DPP10: variants seen among roughly 807,000 people sequenced by gnomAD.
DPP10 encodes the protein inactive dipeptidyl peptidase 10.
In DPP10, 33 loss-of-function variants were observed where a neutral mutation model predicts 120.9. The ratio of observed to expected loss-of-function variants is 0.27; its 90% CI spans 0.21 to 0.37. The LOEUF is 0.37. DPP10 is among the 10% of genes least tolerant of loss of function. DPP10 has a pLI of 1.00. For synonymous variants in DPP10, 337 were observed against 326.1 expected (o/e 1.03, Z -0.36); for missense variants, 816 against 942.8 (o/e 0.87, Z 1.76).
intron 1 of DPP10, among the ~76,000 whole-genome samples, chr2:114,929,467 C>A (rs1695902300): frequency 1.3e-5 from 2 of 152,118 alleles, no homozygotes; most frequent in South Asian, 4.1e-4. Flanking sequence ...CATTTAGAGG[C>A]CTCCCCCTGG....
intron 3 of DPP10, among the ~76,000 whole-genome samples, chr2:115,419,440 G>A (rs2069734656): frequency 6.6e-6 from 1 of 152,048 alleles, no homozygotes. Context: ...AGAGGGGAGG[G>A]AGGTCCAAGA....
chr2:114,741,773 T>C (rs1286855605), intron 1 of DPP10, among the ~76,000 whole-genome samples: 1 of 152,132 alleles, frequency 6.6e-6, no homozygotes, highest in Non-Finnish European at 1.5e-5. Flanking sequence ...AGGCAGATGC[T>C]GGAGTTACGC....
rs1300299111 is a variant in DPP10, at chr2:115,423,903, A to G, written c.272-75607A>G. Among the ~76,000 whole-genome samples, 12 of 152,116 alleles carry G rather than the reference A, an allele frequency of 7.9e-5. 1 individual carries two copies. Among genetic ancestry groups the G allele is most frequent in the Admixed American group, 7.9e-4 (12 of 15,272 alleles). On this transcript the variant is annotated intron_variant, in intron 3 of 25. Transcript: ENST00000410059. The stretch of plus-strand genomic sequence containing the variant: ...TTTATCTTTGGCAAAAGCTGATTTT[A>G]TAAGGAGAAAATCTATAAATTGCAT...
chr2:115,529,278 T>C (rs1479822771), intron 5 of DPP10, among the ~76,000 whole-genome samples: 1 of 151,946 alleles, frequency 6.6e-6, no homozygotes, highest in Non-Finnish European at 1.5e-5. Flanking sequence ...CAAGTGATTC[T>C]CTTGCCTCAG....
intron 2 of DPP10, among the ~76,000 whole-genome samples, chr2:115,331,780 A>T (rs1450106107): frequency 2.0e-5 from 3 of 152,128 alleles, no homozygotes; most frequent in African/African-American, 7.2e-5. Context: ...AGCCCACTTG[A>T]TCATGGTGGA....
At chr2:115,440,828 C>T (rs1172830154) in intron 3 of DPP10, 2 of 142,604 alleles carry the variant, frequency 1.4e-5, no homozygotes, top group East Asian at 4.2e-4. Context: ...GAACTCAAGG[C>T]TTTATGTTTT....
chr2:115,216,314 A>C (rs2056816295), intron 1 of DPP10, among the ~76,000 whole-genome samples: 1 of 152,142 alleles, frequency 6.6e-6, no homozygotes, highest in Non-Finnish European at 1.5e-5. Flanking sequence ...AGTGAAAAAA[A>C]ATTTAATTAA....
intron 1 of DPP10, among the ~76,000 whole-genome samples, chr2:114,580,479 G>A (rs1328948123): frequency 6.6e-6 from 1 of 152,236 alleles, no homozygotes; most frequent in African/African-American, 2.4e-5. Context: ...AAGAGAGACA[G>A]AGAGACACAG....
intron 3 of DPP10, among the ~76,000 whole-genome samples, chr2:115,349,961 T>G (rs1313538087): frequency 6.6e-6 from 1 of 152,098 alleles, no homozygotes; most frequent in African/African-American, 2.4e-5. Context: ...GTGACCAAAG[T>G]GTTATTTTTT....
At chr2:114,900,260 T>C (rs1429838699) in intron 1 of DPP10, among the ~76,000 whole-genome samples, 1 of 152,210 alleles carries the variant, frequency 6.6e-6, no homozygotes, top group Non-Finnish European at 1.5e-5. Context: ...TGTACGTGTC[T>C]CCTGGTGGTC....
At chr2:114,908,918 A>G (rs1250522385) in intron 1 of DPP10, among the ~76,000 whole-genome samples, 2 of 151,760 alleles carry the variant, frequency 1.3e-5, no homozygotes, top group Admixed American at 6.6e-5. Flanking sequence ...ATTTTTATCT[A>G]TATTTGTGAG....
chr2:114,531,994 T>C (rs1686030434), intron 1 of DPP10, among the ~76,000 whole-genome samples: 1 of 151,734 alleles, frequency 6.6e-6, no homozygotes, highest in Non-Finnish European at 1.5e-5. Context: ...AGGGGCGAAA[T>C]AGAACAAAGA....
intron 1 of DPP10, among the ~76,000 whole-genome samples, chr2:114,696,232 A>G (rs1054994791): frequency 7.9e-5 from 12 of 152,072 alleles, no homozygotes; most frequent in Non-Finnish European, 1.0e-4. Flanking sequence ...TGCCAAGTTC[A>G]TTATCTCTTC....
intron 1 of DPP10, among the ~76,000 whole-genome samples, chr2:114,834,388 C>A (rs1574300816): frequency 6.6e-6 from 1 of 150,620 alleles, no homozygotes; most frequent in Non-Finnish European, 1.5e-5. Context: ...TATCTACACA[C>A]CTATGTATAT....
rs530292290 is a variant in DPP10, at chr2:115,216,751, C to G, written c.61-92488C>G. ...CGTGAGCCCGGATCGTGCCATGGCA[C>G]TCCAGCCTGGGCAATGGAGTGAGAC... On this transcript the variant is annotated intron_variant, in intron 1 of 25. Transcript: ENST00000410059. Among the ~76,000 whole-genome samples the G allele has an allele frequency of 1.4e-4, 21 of 152,154 alleles. 2 individuals carry two copies. The South Asian group carries it at 4.4e-3, about 32-fold the overall frequency.
intron 4 of DPP10, among the ~76,000 whole-genome samples, chr2:115,516,498 G>C (rs1018622071): frequency 3.3e-5 from 5 of 151,026 alleles, no homozygotes; most frequent in African/African-American, 4.9e-5. Context: ...CGAACAGGAG[G>C]TATAATGTTA....
Position 114,492,308 on chromosome 2 carries a change from T to A in DPP10, c.60+49470T>A, listed in dbSNP as rs186949310. ...AGCTAATTTTTTTATTTTAAGACAT[T>A]TCATGAGATGTTAAAAGCCCCTAGT... On this transcript the variant is annotated intron_variant, in intron 1 of 25. Transcript: ENST00000410059. 1.1e-4 allele frequency among the ~76,000 whole-genome samples: 17 copies of A among 152,296 alleles called. No homozygotes were observed. The East Asian group carries it at 2.9e-3, about 26-fold the overall frequency.
intron 1 of DPP10, among the ~76,000 whole-genome samples, chr2:115,180,092 T>A (rs2053974717): frequency 6.6e-6 from 1 of 152,136 alleles, no homozygotes; most frequent in South Asian, 2.1e-4. Context: ...AGAAGAAACT[T>A]GTAGTTGTTA....
At chr2:115,608,443 G>A (rs894646416) in intron 5 of DPP10, among the ~76,000 whole-genome samples, 2 of 151,850 alleles carry the variant, frequency 1.3e-5, no homozygotes, top group African/African-American at 4.8e-5. Context: ...AAAATACCCT[G>A]CCTGCCAAAC....
Sources: allele counts gnomAD v4.1 joint callset (sites outside exome capture counted in the v4.1 genomes callset), GRCh38; gene constraint gnomAD v4.1.1; transcripts MANE v1.5; gene names NCBI Gene and HGNC (gene_info 2026-07-23, HGNC 2026-07-21).